GABRB2: variants seen among roughly 807,000 people sequenced by gnomAD.
GABRB2 encodes gamma-aminobutyric acid receptor subunit beta-2.
GABRB2 carries 16 observed loss-of-function variants against 54.7 expected under a neutral mutation model. The observed-to-expected ratio is 0.29, with a 90% CI of 0.20 to 0.44. The LOEUF (loss-of-function observed/expected upper bound fraction) is 0.44, where lower values mean the gene tolerates loss of function less well. Among genes scored for constraint, GABRB2 ranks in the 20% least tolerant of loss-of-function variants. GABRB2 has a pLI of 1.00. For synonymous variants in GABRB2, 244 were observed against 233.8 expected, an observed-to-expected ratio of 1.04 and a Z score of -0.40; for missense variants, 355 against 644.0, an observed-to-expected ratio of 0.55 and a Z score of 4.86.
intron 9 of GABRB2, among the ~76,000 whole-genome samples, chr5:161,302,845 C>T (rs1757577391): frequency 6.6e-6 from 1 of 152,158 alleles, no homozygotes; most frequent in South Asian, 2.1e-4. Flanking sequence ...ATATGAAATG[C>T]AAATTCTATG....
chr5:161,460,268 A>ATGTGTGTGTG (rs57673547), intron 3 of GABRB2, among the ~76,000 whole-genome samples: 38 of 148,668 alleles, frequency 2.6e-4, no homozygotes, highest in African/African-American at 9.4e-4. Flanking sequence ...TTATATATAT[A>ATGTGTGTGTG]TGTGTGTGTG....
chr5:161,429,145 G>A (rs957918354), intron 4 of GABRB2, among the ~76,000 whole-genome samples: 12 of 150,926 alleles, frequency 8.0e-5, no homozygotes, highest in Admixed American at 1.3e-4. Flanking sequence ...TCAAGAGTTC[G>A]AAACCAGTCT....
At chr5:161,418,419 G>C (rs559856784) in intron 4 of GABRB2, among the ~76,000 whole-genome samples, 1 of 152,170 alleles carries the variant, frequency 6.6e-6, no homozygotes, top group African/African-American at 2.4e-5. Context: ...CTGAAAAAGG[G>C]TAATCATTCT....
intron 3 of GABRB2, among the ~76,000 whole-genome samples, chr5:161,496,308 A>G (rs114627769): frequency 0.011 from 1,602 of 152,282 alleles, 17 homozygotes; most frequent in Non-Finnish European, 0.017. Flanking sequence ...AAACAAGTAG[A>G]TAGTAGCTAC....
intron 3 of GABRB2, among the ~76,000 whole-genome samples, chr5:161,460,266 A>C (rs1758080486): frequency 1.4e-5 from 2 of 145,528 alleles, no homozygotes; most frequent in African/African-American, 5.3e-5. Flanking sequence ...ATTTATATAT[A>C]TATGTGTGTG....
rs1195451084 is a variant in GABRB2, at chr5:161,546,675, A to C, written c.-32T>G. On this transcript the variant is annotated 5_prime_UTR_variant, in exon 1 of 10. Coordinates refer to ENST00000393959, the MANE Select transcript of GABRB2 (RefSeq NM_001371727.1). ...AGTTTTTGATGGAATTGAGGGTTTC[A>C]CTGAAGAGAGGAGATCCAACTTAGT... 4.5e-6 allele frequency: 7 copies of C among 1,566,630 alleles called. No individual in the cohort carries two copies. In the African/African-American group the frequency reaches 9.4e-5, roughly 21 times the overall value.
At chr5:161,337,529 A>G (rs1047531876) in intron 5 of GABRB2, among the ~76,000 whole-genome samples, 3 of 152,104 alleles carry the variant, frequency 2.0e-5, no homozygotes, top group African/African-American at 7.2e-5. Context: ...TATTTATTAA[A>G]CACCTACTAT....
At chr5:161,547,671 T>A (rs1047834587), upstream of GABRB2, among the ~76,000 whole-genome samples, 1 of 151,780 alleles carries the variant, frequency 6.6e-6, no homozygotes, top group Non-Finnish European at 1.5e-5. Context: ...GGGGTTTGCA[T>A]GAGGGGGAGA....
intron 9 of GABRB2, among the ~76,000 whole-genome samples, chr5:161,295,926 G>T (rs1291025586): frequency 6.6e-6 from 1 of 152,200 alleles, no homozygotes; most frequent in Admixed American, 6.5e-5. Context: ...TAAAAGATCT[G>T]CCAAGGAAGG....
intron 4 of GABRB2, among the ~76,000 whole-genome samples, chr5:161,422,702 A>G (rs747325670): frequency 8.5e-5 from 13 of 152,160 alleles, no homozygotes; most frequent in Non-Finnish European, 1.5e-4. Flanking sequence ...CACTAAGGGC[A>G]TTCCTTGTCA....
chr5:161,497,401 T>A (rs1374270357), intron 3 of GABRB2, among the ~76,000 whole-genome samples: 2 of 152,174 alleles, frequency 1.3e-5, no homozygotes, highest in African/African-American at 4.8e-5. Flanking sequence ...GGCATGAGGA[T>A]TGCTAAAGTG....
chr5:161,309,250 G>GA lies in GABRB2; in HGVS notation c.1192-14823dup, dbSNP rs1227373414. On this transcript the variant is annotated intron_variant, in intron 9 of 9. Transcript: ENST00000393959. ...ACACACATATGGCCAATAATCATATGAAAAAAAGCTTTACATCACTGATTA... is the reference window on the plus strand; with the variant it reads ...ACACACATATGGCCAATAATCATATGAAAAAAAAGCTTTACATCACTGATTA... Among the ~76,000 whole-genome samples, 8 of 152,108 alleles carry GA rather than the reference G, an allele frequency of 5.3e-5. No individual in the cohort carries two copies. The East Asian group carries it at 1.4e-3, about 26-fold the overall frequency.
At chr5:161,485,240 T>C in intron 3 of GABRB2, among the ~76,000 whole-genome samples, 1 of 151,992 alleles carries the variant, frequency 6.6e-6, no homozygotes, top group Non-Finnish European at 1.5e-5. Context: ...CAATTCATAT[T>C]TCTCCTGGAA....
chr5:161,461,472 C>T (rs1422185512), intron 3 of GABRB2, among the ~76,000 whole-genome samples: 1 of 152,006 alleles, frequency 6.6e-6, no homozygotes, highest in South Asian at 2.1e-4. Flanking sequence ...ATAAATGGGG[C>T]TTTTAATACA....
intron 3 of GABRB2, among the ~76,000 whole-genome samples, chr5:161,504,831 A>G (rs1257779394): frequency 6.6e-6 from 1 of 152,002 alleles, no homozygotes; most frequent in Non-Finnish European, 1.5e-5. Flanking sequence ...ACAACTTTCC[A>G]TGAACATTTT....
At chr5:161,390,843 G>A (rs753074533) in intron 5 of GABRB2, among the ~76,000 whole-genome samples, 6 of 152,022 alleles carry the variant, frequency 3.9e-5, no homozygotes, top group Non-Finnish European at 5.9e-5. Flanking sequence ...TCTCAAACTC[G>A]CCTATGTTCT....
chr5:161,457,800 C>A (rs1201571435), intron 4 of GABRB2, among the ~76,000 whole-genome samples: 1 of 152,152 alleles, frequency 6.6e-6, no homozygotes, highest in East Asian at 1.9e-4. Flanking sequence ...CTCAACTTTG[C>A]CTACATGCAT....
At chr5:161,472,411 C>A (rs950332322) in intron 3 of GABRB2, among the ~76,000 whole-genome samples, 4 of 151,174 alleles carry the variant, frequency 2.6e-5, no homozygotes, top group Non-Finnish European at 5.9e-5. Context: ...CCCTCCAAAA[C>A]ACACACACAC....
chr5:161,361,175 T>C (rs1321247749), intron 5 of GABRB2, among the ~76,000 whole-genome samples: 1 of 152,048 alleles, frequency 6.6e-6, no homozygotes, highest in East Asian at 1.9e-4. Flanking sequence ...ATTACAATTG[T>C]ATGGGCTTCA....
Sources: allele counts gnomAD v4.1 joint callset (sites outside exome capture counted in the v4.1 genomes callset), GRCh38; gene constraint gnomAD v4.1.1; transcripts MANE v1.5; gene names NCBI Gene and HGNC (gene_info 2026-07-23, HGNC 2026-07-21).